PHB2: variants seen among roughly 807,000 people sequenced by gnomAD.
PHB2 encodes prohibitin-2.
A neutral mutation model predicts 46.4 loss-of-function variants in PHB2; 22 were observed. The observed-to-expected ratio is 0.47, with a 90% CI of 0.34 to 0.68. The LOEUF (loss-of-function observed/expected upper bound fraction) is 0.68, where lower values mean the gene tolerates loss of function less well. Ranked by LOEUF, PHB2 falls within the 30% of genes least tolerant of loss-of-function variation. The probability of loss-of-function intolerance (pLI) is 0.01; values close to 1 mark genes in which losing one functional copy is unlikely to be tolerated. For synonymous variants in PHB2, 156 were observed against 150.5 expected, an observed-to-expected ratio of 1.04 and a Z score of -0.27; for missense variants, 305 against 382.8, an observed-to-expected ratio of 0.80 and a Z score of 1.70.
Position 6,968,594 on chromosome 12 carries a change from G to A in PHB2, c.294C>T (p.Asp98=). The change falls in exon 4 of 10, where the codon GAC becomes GAT. Residue 98 remains aspartate (D), a splice_region_variant and synonymous_variant. Transcript: ENST00000535923. ...GCAGGGAGATATTCACCATCTGTAG[G>A]TCTGAGATTGAGGTCAGCAGTGGCT... is the stretch of plus-strand genomic sequence containing the variant. ...RKISSPTGSK[D]LQMVNISLRV... is the part of the protein sequence containing the mutation. 6.2e-7 allele frequency: 1 copy of A among 1,613,154 alleles called. No individual in the cohort carries two copies. Among genetic ancestry groups the A allele is most frequent in the African/African-American group, 1.3e-5 (1 of 75,044 alleles).
In PHB2 at chr12:6,967,608, C is replaced by T. The variant is rs1555151068; in HGVS notation, c.711+68G>A. 7.9e-7 allele frequency: 1 copy of T among 1,273,152 alleles called. No homozygotes were observed. Among genetic ancestry groups the T allele is most frequent in the Admixed American group, 1.7e-5 (1 of 59,582 alleles). 78.9% of individuals were successfully genotyped at this position (1,273,152 alleles called of 1,614,324 possible). On this transcript the variant is annotated intron_variant, in intron 6 of 9. Transcript: ENST00000535923. This position sits in a 1 kb window ranked among gnomAD's most constrained non-coding sequence, Gnocchi z 4.9. Reference sequence around the variant, plus strand: ...ATTCGCCTTAGTCTCATCAGCCTGCCCATGAAGGAGAATGGGGAACTCAGG... The same window carrying T: ...ATTCGCCTTAGTCTCATCAGCCTGCTCATGAAGGAGAATGGGGAACTCAGG...
rs782464743 is a variant in PHB2, at chr12:6,967,876, G to A, written c.607+16C>T. ...TGCATCTCAGAAGCCCTCACCCCAC[G>A]GCTCTTGCGACTCACCCACTTGTTT... is the stretch of plus-strand genomic sequence containing the variant. On this transcript the variant is annotated intron_variant, in intron 5 of 9. Transcript: ENST00000535923. This position sits in a 1 kb window ranked among gnomAD's most constrained non-coding sequence, Gnocchi z 4.9. 6.2e-6 allele frequency: 10 copies of A among 1,612,978 alleles called. No homozygotes were observed. Among genetic ancestry groups the A allele is most frequent in the Admixed American group, 3.3e-5 (2 of 59,952 alleles).
rs781879949 is a variant in PHB2, at chr12:6,968,505, T to C, written c.383A>G (p.Tyr128Cys). ...PSMYQRLGLD[Y>C]EERVLPSIVN... Reference sequence around the variant, plus strand: ...AATGGACGGCAACACTCGTTCCTCGTAGTCCAGCCCTAGGCGCTGGTACAT... The same window carrying C: ...AATGGACGGCAACACTCGTTCCTCGCAGTCCAGCCCTAGGCGCTGGTACAT... The change falls in exon 4 of 10, where the codon TAC becomes TGC. Residue 128 changes from tyrosine to cysteine, a missense_variant. Tyr to Cys is a radical substitution (Grantham distance 194). Coordinates refer to ENST00000535923, the MANE Select transcript of PHB2 (RefSeq NM_001144831.2). 1 of 1,613,530 alleles carries C rather than the reference T, an allele frequency of 6.2e-7. No individual in the cohort carries two copies. The highest frequency in any genetic ancestry group is 8.5e-7 in the Non-Finnish European group (1 of 1,179,658).
In PHB2 at chr12:6,970,404, G is replaced by A. The variant is rs1555151878; in HGVS notation, c.127+13C>T. On this transcript the variant is annotated intron_variant, in intron 1 of 9. Transcript: ENST00000535923. Reference sequence around the variant, plus strand: ...GACTGGAAGCGTCCGGCGAGCAGGCGGAGGTTGCTCACCGGTGAACACAGA... The same window carrying A: ...GACTGGAAGCGTCCGGCGAGCAGGCAGAGGTTGCTCACCGGTGAACACAGA... 1.2e-6 allele frequency: 2 copies of A among 1,603,806 alleles called. No individual in the cohort carries two copies. Among genetic ancestry groups the A allele is most frequent in the South Asian group, 1.1e-5 (1 of 91,078 alleles).
chr12:6,967,808 T>C lies in PHB2; in HGVS notation c.608-29A>G. On this transcript the variant is annotated intron_variant, in intron 5 of 9. Transcript: ENST00000535923. The surrounding 1 kb of genome is among the most constrained non-coding windows in gnomAD (Gnocchi z 4.9). Reference sequence around the variant, plus strand: ...TGGTGGGAGAGAGTCAGGGAGACCCTGTCCTGGGTCAGGAGCCCCACCCAT... The same window carrying C: ...TGGTGGGAGAGAGTCAGGGAGACCCCGTCCTGGGTCAGGAGCCCCACCCAT... 6.2e-7 allele frequency: 1 copy of C among 1,609,650 alleles called. No individual in the cohort carries two copies. The highest frequency in any genetic ancestry group is 1.1e-5 in the South Asian group (1 of 90,878).
intron 9 of PHB2, 36 bp downstream of exon 9, chr12:6,965,875 G>A (rs1946203840): frequency 1.9e-6 from 3 of 1,598,098 alleles, no homozygotes; most frequent in Admixed American, 1.7e-5. Flanking sequence ...TGGAGAAGGT[G>A]GCCTGCAGGA....
rs781787262 is a variant in PHB2 at position 6,967,305 on chromosome 12, C to A, written c.712-57G>T. 5 of 1,611,608 alleles carry A rather than the reference C, an allele frequency of 3.1e-6. No homozygotes were observed. In the East Asian group the frequency reaches 1.1e-4, roughly 36 times the overall value. On this transcript the variant is annotated intron_variant, in intron 6 of 9. Transcript: ENST00000535923. The surrounding 1 kb of genome is among the most constrained non-coding windows in gnomAD (Gnocchi z 4.9). ...GTCTCAATCCCTGGCCCTGTCCTTA[C>A]CACACTCCCTTGCTCCAGTCCTCCT... is the stretch of plus-strand genomic sequence containing the variant.
At chr12:6,968,072 G>T in intron 4 of PHB2, 51 bp from the exon 5 acceptor site, 1 of 1,520,972 alleles carries the variant, frequency 6.6e-7, no homozygotes, top group South Asian at 1.2e-5. Flanking sequence ...AGGGGACTGG[G>T]GAGCTGAAAG....
At chr12:6,966,589 A>C in intron 7 of PHB2, 89 bp from the exon 8 acceptor site, 1 of 835,608 alleles carries the variant, frequency 1.2e-6, no homozygotes, top group Non-Finnish European at 2.1e-6. Flanking sequence ...AACATGGAAC[A>C]CATGCAGATT....
At position 6,970,545 on chromosome 12, in the gene PHB2, T is replaced by C. The variant is rs1946306161; in HGVS notation, c.-2A>G. The stretch of plus-strand genomic sequence containing the variant: ...CAAGTCCTTCAAGTTCTGGGCCATG[T>C]CTGATCTTGAGGCCGGCGGCACTGG... On this transcript the variant is annotated 5_prime_UTR_variant, in exon 1 of 10. Coordinates refer to ENST00000535923, the MANE Select transcript of PHB2 (RefSeq NM_001144831.2). The C allele has an allele frequency of 6.3e-7, 1 of 1,595,892 alleles. No individual in the cohort carries two copies. The highest frequency in any genetic ancestry group is 1.1e-5 in the South Asian group (1 of 89,948).
Position 6,970,631 on chromosome 12 carries a change from A to T in PHB2, c.-88T>A. ...CTCCGGCTTAGGTACTGCACCCTTC[A>T]CACGAGGGTTCGGGCCCGTAAGGCT... On this transcript the variant is annotated 5_prime_UTR_variant, in exon 1 of 10. Transcript: ENST00000535923. The T allele has an allele frequency of 9.1e-6, 13 of 1,430,522 alleles. No individual in the cohort carries two copies. Among genetic ancestry groups the T allele is most frequent in the Non-Finnish European group, 1.1e-5 (12 of 1,066,728 alleles). 88.6% of individuals were successfully genotyped at this position (1,430,522 alleles called of 1,614,324 possible).
At position 6,967,256 on chromosome 12, in the gene PHB2, G is replaced by A. The variant is rs782025341; in HGVS notation, c.712-8C>T. 1.2e-6 allele frequency: 2 copies of A among 1,613,768 alleles called. No homozygotes were observed. The highest frequency in any genetic ancestry group is 1.7e-6 in the Non-Finnish European group (2 of 1,179,676). On this transcript the variant is annotated splice_polypyrimidine_tract_variant and splice_region_variant and intron_variant, in intron 6 of 9. Transcript: ENST00000535923. The surrounding 1 kb of genome is among the most constrained non-coding windows in gnomAD (Gnocchi z 4.9). ...GCTCAGTGCTTCTCCAAGGTGAGGA[G>A]GGTTAAGGTACACGCAAGGGCAGGT...
chr12:6,970,683 G>C (rs1256947926), upstream of PHB2: 2 of 1,097,690 alleles, frequency 1.8e-6, no homozygotes, highest in Non-Finnish European at 1.3e-6. Flanking sequence ...GCGGAAGTGC[G>C]CTCCCTTTGA....
intron 2 of PHB2, 156 bp downstream of exon 2, chr12:6,970,040 T>C (rs782371454): frequency 1.4e-6 from 1 of 715,908 alleles, no homozygotes; most frequent in East Asian, 2.7e-5. Flanking sequence ...GTTTGTATGC[T>C]GCTGGAGGTT....
intron 2 of PHB2, 95 bp downstream of exon 2, chr12:6,970,101 G>A (rs1555151761): frequency 3.2e-6 from 3 of 930,866 alleles, no homozygotes; most frequent in Non-Finnish European, 3.5e-6. Flanking sequence ...TGGGAAAAGA[G>A]CAGCGTTGAA....
chr12:6,968,506 A>G lies in PHB2; in HGVS notation c.382T>C (p.Tyr128His). Reference sequence around the variant, plus strand: ...ATGGACGGCAACACTCGTTCCTCGTAGTCCAGCCCTAGGCGCTGGTACATG... The same window carrying G: ...ATGGACGGCAACACTCGTTCCTCGTGGTCCAGCCCTAGGCGCTGGTACATG... The part of the protein sequence containing the change: ...PSMYQRLGLD[Y>H]EERVLPSIVN... The change falls in exon 4 of 10, where the codon TAC becomes CAC. Residue 128 changes from tyrosine to histidine, a missense_variant. Physicochemically the swap from Tyr to His is moderately conservative, Grantham distance 83 (BLOSUM62 2). Around this residue, in one of 3 missense-constraint regions of PHB2, gnomAD observed 241 missense variants for 302.7 expected, o/e 0.80. Coordinates refer to ENST00000535923, the MANE Select transcript of PHB2 (RefSeq NM_001144831.2). The G allele has an allele frequency of 1.2e-6, 2 of 1,613,506 alleles. No individual in the cohort carries two copies. The highest frequency in any genetic ancestry group is 1.7e-6 in the Non-Finnish European group (2 of 1,179,602).
Position 6,967,801 on chromosome 12 carries a change from G to T in PHB2, c.608-22C>A, listed in dbSNP as rs370679426. On this transcript the variant is annotated intron_variant, in intron 5 of 9. Transcript: ENST00000535923. The surrounding 1 kb of genome is among the most constrained non-coding windows in gnomAD (Gnocchi z 4.9). ...TGGGCTGTGGTGGGAGAGAGTCAGG[G>T]AGACCCTGTCCTGGGTCAGGAGCCC... The T allele has an allele frequency of 6.2e-7, 1 of 1,611,240 alleles. No individual in the cohort carries two copies. Among genetic ancestry groups the T allele is most frequent in the Non-Finnish European group, 8.5e-7 (1 of 1,177,958 alleles).
At position 6,970,207 on chromosome 12, in the gene PHB2, G is replaced by A. The variant is rs1278568846; in HGVS notation, c.201C>T (p.Gly67=). ...CTGCCCGCCATTACCTGAAGTGAAG[G>A]CCCTCGGCCAGGATAGTGTCCTGCT... ...GVQQDTILAE[G]LHFRIPWFQY... is the part of the protein sequence containing the mutation. Residue 67 remains glycine, a synonymous_variant, in exon 2 of 10, where the codon GGC becomes GGT. Coordinates refer to ENST00000535923, the MANE Select transcript of PHB2 (RefSeq NM_001144831.2). 6.2e-7 allele frequency: 1 copy of A among 1,613,032 alleles called. No homozygotes were observed. Among genetic ancestry groups the A allele is most frequent in the Non-Finnish European group, 8.5e-7 (1 of 1,179,202 alleles).
chr12:6,969,805 AGGAGAATCGCTTGAAATCAGGAGGCG>A, intron 2 of PHB2: 1 of 496,372 alleles, frequency 2.0e-6, no homozygotes, highest in Admixed American at 3.2e-5. Context: ...AGGCTGAGGC[AGGAGAATCGCTTGAAATCAGGAGGCG>A]GAGGTTGCAG....
Sources: allele counts gnomAD v4.1 joint callset, GRCh38; gene constraint gnomAD v4.1.1; regional missense constraint gnomAD v4.1.1; non-coding constraint Gnocchi (gnomAD v3.1); transcripts MANE v1.5; gene names NCBI Gene and HGNC (gene_info 2026-07-23, HGNC 2026-07-21).